SYCP2L: variants seen among roughly 807,000 people sequenced by gnomAD.
SYCP2L encodes the protein synaptonemal complex protein 2-like.
SYCP2L carries 98 observed loss-of-function variants against 125.8 expected under a neutral mutation model. The ratio of observed to expected loss-of-function variants is 0.78; its 90% CI spans 0.66 to 0.92. The LOEUF is 0.92. Among genes scored for constraint, SYCP2L ranks in the 40% least tolerant of loss-of-function variants. The pLI is 0.00. For missense variants in SYCP2L, 842 were observed against 936.4 expected (o/e 0.90, Z 1.32); for synonymous variants, 317 against 325.4 (o/e 0.97, Z 0.28).
intron 14 of SYCP2L, among the ~76,000 whole-genome samples, chr6:10,923,619 C>G (rs1767776): frequency 0.2 from 30,334 of 150,266 alleles, 3,146 homozygotes; most frequent in Middle Eastern, 0.31. Flanking sequence ...CTCCTGACTT[C>G]GTGATGCACC....
At chr6:10,913,621 C>T (rs1476107672) in intron 14 of SYCP2L, among the ~76,000 whole-genome samples, 1 of 151,740 alleles carries the variant, frequency 6.6e-6, no homozygotes, top group Admixed American at 6.6e-5. Context: ...GATATTAGTC[C>T]TTTGTCAGAT....
At chr6:10,924,116 AG>A in intron 14 of SYCP2L, among the ~76,000 whole-genome samples, 1 of 152,004 alleles carries the variant, frequency 6.6e-6, no homozygotes, top group Non-Finnish European at 1.5e-5. Context: ...AGAATTTCAG[AG>A]AGAGAGAGAG....
intron 14 of SYCP2L, among the ~76,000 whole-genome samples, chr6:10,914,738 GTTTT>G (rs34095541): frequency 2.8e-5 from 3 of 107,774 alleles, no homozygotes; most frequent in East Asian, 2.4e-4. Context: ...ATATCCCTAA[GTTTT>G]TTTTTTTTTT....
Position 10,912,850 on chromosome 6 carries a change from T to C in SYCP2L, c.1012-17T>C. On this transcript the variant is annotated splice_polypyrimidine_tract_variant and intron_variant, in intron 13 of 29. Transcript: ENST00000283141. The surrounding 1 kb of genome is among the most constrained non-coding windows in gnomAD (Gnocchi z 4.1). ...TGTGTTTTGCACTCATGAATTTCAC[T>C]TATTTATTTTCCCAAGAATACTCTA... The C allele has an allele frequency of 6.2e-7, 1 of 1,613,552 alleles. No homozygotes were observed. The highest frequency in any genetic ancestry group is 8.5e-7 in the Non-Finnish European group (1 of 1,179,718).
chr6:10,918,063 C>T (rs1581825363), intron 14 of SYCP2L, among the ~76,000 whole-genome samples: 1 of 152,086 alleles, frequency 6.6e-6, no homozygotes, highest in East Asian at 1.9e-4. Flanking sequence ...GCTTTTGTCT[C>T]ACTGCTCTCA....
chr6:10,949,929 C>T (rs78652689), intron 23 of SYCP2L, among the ~76,000 whole-genome samples: 2 of 151,972 alleles, frequency 1.3e-5, no homozygotes, highest in South Asian at 2.1e-4. Flanking sequence ...TTCTTTTATT[C>T]TTTCTGTCCT....
chr6:10,904,166 G>C (rs1780441814), intron 8 of SYCP2L, among the ~76,000 whole-genome samples: 1 of 152,204 alleles, frequency 6.6e-6, no homozygotes, highest in Non-Finnish European at 1.5e-5. Context: ...ACACTAATGG[G>C]GCATGGAATT....
At chr6:10,887,190 G>C (rs1581811041) in intron 1 of SYCP2L, 55 bp downstream of exon 1, 1 of 1,610,210 alleles carries the variant, frequency 6.2e-7, no homozygotes, top group Middle Eastern at 1.7e-4. Context: ...GGGCGCGCGA[G>C]GGCGCGGGGT....
chr6:10,963,454 T>G, intron 28 of SYCP2L: 1 of 292,438 alleles, frequency 3.4e-6, no homozygotes, highest in South Asian at 3.8e-5. Context: ...TGTGTTTTGT[T>G]AAAGAAATGA....
At chr6:10,967,454 G>GGTGTGTGTGTGTGTGTGTGTGT (rs3066151) in intron 29 of SYCP2L, among the ~76,000 whole-genome samples, 1 of 138,838 alleles carries the variant, frequency 7.2e-6, no homozygotes, top group Non-Finnish European at 1.6e-5. Flanking sequence ...TGGGGTAGAG[G>GGTGTGTGTGTGTGTGTGTGTGT]GTGTGTGTGT....
intron 29 of SYCP2L, among the ~76,000 whole-genome samples, chr6:10,970,029 A>C (rs1390295319): frequency 6.6e-6 from 1 of 152,172 alleles, no homozygotes; most frequent in African/African-American, 2.4e-5. Flanking sequence ...CATGGTGTAC[A>C]TTCTATAGGA....
chr6:10,919,530 C>G (rs1476518162), intron 14 of SYCP2L, among the ~76,000 whole-genome samples: 1 of 152,168 alleles, frequency 6.6e-6, no homozygotes, highest in Non-Finnish European at 1.5e-5. Flanking sequence ...TAGTTTAATG[C>G]TCTGTTTTTG....
chr6:10,910,458 C>G (rs56395835), intron 11 of SYCP2L, among the ~76,000 whole-genome samples: 1 of 152,148 alleles, frequency 6.6e-6, no homozygotes, highest in African/African-American at 2.4e-5. Flanking sequence ...ATAATACATT[C>G]TTTAAAGAGT....
At chr6:10,967,682 C>T (rs1330415777) in intron 29 of SYCP2L, among the ~76,000 whole-genome samples, 1 of 151,942 alleles carries the variant, frequency 6.6e-6, no homozygotes, top group Non-Finnish European at 1.5e-5. Context: ...AAAATCCAAC[C>T]AATAAACAAT....
intron 1 of SYCP2L, among the ~76,000 whole-genome samples, chr6:10,889,043 A>G (rs760419951): frequency 6.6e-6 from 1 of 151,952 alleles, no homozygotes; most frequent in Non-Finnish European, 1.5e-5. Context: ...TGTATTTTTT[A>G]GTAGAGACGG....
intron 9 of SYCP2L, among the ~76,000 whole-genome samples, chr6:10,906,747 A>G (rs1269660427): frequency 1.3e-5 from 2 of 151,176 alleles, no homozygotes; most frequent in African/African-American, 2.4e-5. Context: ...ACAGGCACGC[A>G]CCGCCACACC....
At position 10,896,400 on chromosome 6, in the gene SYCP2L, A is replaced by G. The variant is rs558609864; in HGVS notation, c.337-1611A>G. ...AGTGCAGCCTTTCTGCCACTTCTGT[A>G]TCTCCTCAACCAGTATATTTGGGAG... On this transcript the variant is annotated intron_variant, in intron 4 of 29. Transcript: ENST00000283141. 4.6e-5 allele frequency among the ~76,000 whole-genome samples: 7 copies of G among 152,254 alleles called. No homozygotes were observed. The East Asian group carries it at 1.2e-3, about 25-fold the overall frequency.
At chr6:10,891,394 T>C in intron 1 of SYCP2L, 119 bp from the exon 2 acceptor site, 1 of 804,068 alleles carries the variant, frequency 1.2e-6, no homozygotes, top group Non-Finnish European at 1.9e-6. Context: ...AAATTTCTGT[T>C]CAGGAAAACA....
intron 26 of SYCP2L, among the ~76,000 whole-genome samples, chr6:10,959,591 C>T (rs1433430573): frequency 6.6e-6 from 1 of 152,174 alleles, no homozygotes; most frequent in Non-Finnish European, 1.5e-5. Context: ...AAACACCAGC[C>T]AGGCGTGGTG....
Sources: gnomAD v4.1 joint callset for allele counts (sites outside exome capture counted in the v4.1 genomes callset) on GRCh38, gnomAD v4.1.1 for gene constraint, Gnocchi (gnomAD v3.1) non-coding constraint, MANE v1.5 for transcripts, NCBI Gene and HGNC (gene_info 2026-07-23, HGNC 2026-07-21) for gene names.